RPS7: variants seen among roughly 807,000 people sequenced by gnomAD.
The protein encoded by RPS7 is ribosomal protein S7, also known as small ribosomal subunit protein eS7.
RPS7 carries 1 observed loss-of-function variant against 22.1 expected under a neutral mutation model. That is an observed-to-expected ratio of 0.05 (90% confidence interval 0.02 to 0.21). The LOEUF is 0.21. Among genes scored for constraint, RPS7 ranks in the 10% least tolerant of loss-of-function variants. The probability of loss-of-function intolerance (pLI) is 1.00; values close to 1 mark genes in which losing one functional copy is unlikely to be tolerated. For synonymous variants in RPS7, 80 were observed against 92.0 expected, an observed-to-expected ratio of 0.87 and a Z score of 0.74; for missense variants, 137 against 246.4, an observed-to-expected ratio of 0.56 and a Z score of 2.97.
At position 3,576,432 on chromosome 2, in the gene RPS7, A is replaced by G. The variant is rs896375718; in HGVS notation, c.148-55A>G. On this transcript the variant is annotated intron_variant, in intron 3 of 6. Coordinates refer to ENST00000645674, the MANE Select transcript of RPS7 (RefSeq NM_001011.4). ...GGTCTTCTTATCCTCTAATTTGACCACAACGTTTACTTTCTGAAGCAGTTA... is the reference window on the plus strand; with the variant it reads ...GGTCTTCTTATCCTCTAATTTGACCGCAACGTTTACTTTCTGAAGCAGTTA... 18 of 1,526,312 alleles carry G rather than the reference A, an allele frequency of 1.2e-5. 1 individual carries two copies. In the South Asian group the frequency reaches 1.8e-4, roughly 15 times the overall value. 94.5% of individuals were successfully genotyped at this position (1,526,312 alleles called of 1,614,324 possible).
chr2:3,576,184 G>T lies in RPS7; in HGVS notation c.147+296G>T, dbSNP rs1190934752. ...TACTTAGTTATAGATACGGCAAAGAGCTGTGGGGAGCTCAGGATGAGATTC... is the reference window on the plus strand; with the variant it reads ...TACTTAGTTATAGATACGGCAAAGATCTGTGGGGAGCTCAGGATGAGATTC... On this transcript the variant is annotated intron_variant, in intron 3 of 6. Coordinates refer to ENST00000645674, the MANE Select transcript of RPS7 (RefSeq NM_001011.4). The T allele has an allele frequency of 3.9e-5, 23 of 591,364 alleles. No homozygotes were observed. The East Asian group carries it at 6.3e-4, about 16-fold the overall frequency. 36.6% of individuals were successfully genotyped at this position (591,364 alleles called of 1,614,324 possible). A position where few individuals can be genotyped will look rare whatever the true frequency, so the allele number is the denominator to read the frequency against.
chr2:3,575,549 G>A, intron 1 of RPS7, 43 bp from the exon 2 acceptor site: 6 of 1,444,132 alleles, frequency 4.2e-6, no homozygotes, highest in Non-Finnish European at 5.8e-6. Context: ...AGCCAGCGGC[G>A]CCTGCAGCCC....
At chr2:3,576,178 C>A in intron 3 of RPS7, 1 of 591,526 alleles carries the variant, frequency 1.7e-6, no homozygotes, top group South Asian at 2.0e-5. Flanking sequence ...ATAGATACGG[C>A]AAAGAGCTGT....
In RPS7 at chr2:3,576,818, G is replaced by A. The variant is rs547189467; in HGVS notation, c.291+188G>A. The A allele has an allele frequency of 3.2e-4, 244 of 752,332 alleles. 1 individual carries two copies. The highest frequency in any genetic ancestry group is 6.5e-4 in the Admixed American group (35 of 53,818). 46.6% of individuals were successfully genotyped at this position (752,332 alleles called of 1,614,324 possible). On this transcript the variant is annotated intron_variant, in intron 4 of 6. Coordinates refer to ENST00000645674, the MANE Select transcript of RPS7 (RefSeq NM_001011.4). ...TCCCAGCACGGGGAGGTGGAGGCGG[G>A]TGGATCACTGTAGAGACCAGCCTGG...
chr2:3,578,959 T>C (rs1661344613), intron 5 of RPS7: 1 of 152,216 alleles, frequency 6.6e-6, no homozygotes, highest in African/African-American at 2.4e-5. Context: ...TCTACCACTT[T>C]TCCAATCCGG....
At chr2:3,576,091 C>T (rs1405879012) in intron 3 of RPS7, 2 of 627,096 alleles carry the variant, frequency 3.2e-6, no homozygotes, top group Non-Finnish European at 5.7e-6. Context: ...CTTAAGCTGT[C>T]CACATGCGGG....
intron 4 of RPS7, 171 bp downstream of exon 4, chr2:3,576,801 CG>C: frequency 1.2e-6 from 1 of 835,178 alleles, no homozygotes. Flanking sequence ...AATCCCAGCA[CG>C]GGGAGGTGGA....
Position 3,576,569 on chromosome 2 carries a change from T to G in RPS7, c.230T>G (p.Val77Gly). Residue 77 changes from valine (V) to glycine (G), a missense_variant, in exon 4 of 7, where the codon GTC becomes GGC. This residue lies in a region of RPS7 where 74 missense variants were observed against 171.4 expected (regional missense o/e 0.43). Transcript: ENST00000645674. Reference protein sequence around the residue: ...PQLKSFQKIQVRLVRELEKKF... With the variant: ...PQLKSFQKIQGRLVRELEKKF... ...CTGAAATCTTTCCAGAAAATCCAAG[T>G]CCGGCTAGTACGCGAATTGGAGAAA... is the stretch of plus-strand genomic sequence containing the variant. 9 of 1,614,122 alleles carry G rather than the reference T, an allele frequency of 5.6e-6. No individual in the cohort carries two copies. The highest frequency in any genetic ancestry group is 6.8e-6 in the Non-Finnish European group (8 of 1,179,940).
chr2:3,576,184 G>A (rs1190934752), intron 3 of RPS7: 1 of 591,482 alleles, frequency 1.7e-6, no homozygotes, highest in Non-Finnish European at 3.0e-6. Context: ...ACGGCAAAGA[G>A]CTGTGGGGAG....
intron 4 of RPS7, chr2:3,576,924 A>G: frequency 2.4e-6 from 1 of 409,816 alleles, no homozygotes; most frequent in Non-Finnish European, 4.6e-6. Flanking sequence ...TTTAATTAAG[A>G]GTCGAAACAA....
Position 3,580,870 on chromosome 2 carries a change from G to A in RPS7, c.573G>A (p.Glu191=). Residue 191 remains glutamate, a synonymous_variant, in exon 7 of 7, where the codon GAG becomes GAA. Coordinates refer to ENST00000645674, the MANE Select transcript of RPS7 (RefSeq NM_001011.4). ...AGGATGTTAATTTTGAATTCCCAGA[G>A]TTTCAATTGTAAACAAAAATGACTA... The part of the protein sequence containing the change: ...TGKDVNFEFP[E]FQL The A allele has an allele frequency of 1.3e-6, 2 of 1,536,086 alleles. No homozygotes were observed. The highest frequency in any genetic ancestry group is 4.5e-5 in the East Asian group (2 of 44,538).
At chr2:3,580,699 G>C in intron 6 of RPS7, 106 bp from the exon 7 acceptor site, 1 of 748,794 alleles carries the variant, frequency 1.3e-6, no homozygotes, top group Admixed American at 1.9e-5. Flanking sequence ...TGTGTACTTA[G>C]TTGCTGAGGA....
intron 4 of RPS7, chr2:3,577,497 G>GAGGCTGT (rs1248611269): frequency 1.7e-6 from 1 of 585,092 alleles, no homozygotes; most frequent in Non-Finnish European, 3.0e-6. Context: ...CGTATTAGTA[G>GAGGCTGT]AGGCTGTGGA....
chr2:3,575,502 G>T lies in RPS7; in HGVS notation c.-18-90G>T, dbSNP rs972757537. 20 of 835,464 alleles carry T rather than the reference G, an allele frequency of 2.4e-5. 1 individual carries two copies. Among genetic ancestry groups the T allele is most frequent in the Non-Finnish European group, 3.6e-5 (18 of 503,488 alleles). 51.8% of individuals were successfully genotyped at this position (835,464 alleles called of 1,614,324 possible). A position where few individuals can be genotyped will look rare whatever the true frequency, so the allele number is the denominator to read the frequency against. ...TGCTTTCCGATGGCTTCTGCGGGGC[G>T]AGCGGGGCCTGGCCGGGGGGTGCGG... On this transcript the variant is annotated intron_variant, in intron 1 of 6. Transcript: ENST00000645674.
chr2:3,578,085 G>C (rs758408723), intron 5 of RPS7: 3 of 299,622 alleles, frequency 1.0e-5, no homozygotes, highest in African/African-American at 2.2e-5. Context: ...TAGCATGCTA[G>C]ACACAGTTGA....
At chr2:3,577,404 G>A in intron 4 of RPS7, 1 of 368,618 alleles carries the variant, frequency 2.7e-6, no homozygotes, top group Non-Finnish European at 5.0e-6. Flanking sequence ...GGGGAATGAA[G>A]TGCCAGGATT....
chr2:3,580,307 G>A (rs1481417043), intron 6 of RPS7, 47 bp downstream of exon 6: 2 of 1,552,252 alleles, frequency 1.3e-6, no homozygotes, highest in Non-Finnish European at 1.8e-6. Context: ...CACAGTGAGA[G>A]TGGATTTTAG....
intron 4 of RPS7, 169 bp downstream of exon 4, chr2:3,576,799 C>A (rs1558472565): frequency 3.5e-6 from 3 of 845,568 alleles, no homozygotes; most frequent in Non-Finnish European, 6.2e-6. Flanking sequence ...GTAATCCCAG[C>A]ACGGGGAGGT....
chr2:3,580,387 C>T lies in RPS7; in HGVS notation c.507+127C>T, dbSNP rs767420131. On this transcript the variant is annotated intron_variant, in intron 6 of 6. Coordinates refer to ENST00000645674, the MANE Select transcript of RPS7 (RefSeq NM_001011.4). ...CTCAGGACTAGTTCTTTTACCCGCA[C>T]TTCAGCCTGCTCTCCTTTGGATTAT... is the stretch of plus-strand genomic sequence containing the variant. 1.9e-5 allele frequency: 15 copies of T among 804,456 alleles called. No individual in the cohort carries two copies. The East Asian group carries it at 3.4e-4, about 18-fold the overall frequency. 49.8% of individuals were successfully genotyped at this position (804,456 alleles called of 1,614,324 possible).
Sources: gnomAD v4.1 joint callset for allele counts on GRCh38, gnomAD v4.1.1 for gene constraint, gnomAD v4.1.1 regional missense constraint, MANE v1.5 for transcripts, NCBI Gene and HGNC (gene_info 2026-07-23, HGNC 2026-07-21) for gene names.